The following WASHC2A variants were observed in gnomAD, a reference collection of about 807,000 sequenced individuals.
WASHC2A encodes WASH complex subunit 2A.
In WASHC2A, 82 loss-of-function variants were observed where a neutral mutation model predicts 140.3. The ratio of observed to expected loss-of-function variants is 0.58; its 90% CI spans 0.49 to 0.70. The LOEUF (loss-of-function observed/expected upper bound fraction) is 0.70. WASHC2A is among the 30% of genes least tolerant of loss of function. The pLI, the probability that WASHC2A is intolerant of heterozygous loss-of-function variation, is 0.00. For missense variants in WASHC2A, 985 were observed against 1,521.8 expected, an observed-to-expected ratio of 0.65 and a Z score of 5.87; for synonymous variants, 340 against 560.8, an observed-to-expected ratio of 0.61 and a Z score of 5.56.
intron 16 of WASHC2A, among the ~76,000 whole-genome samples, chr10:50,099,536 C>A (rs1162317148): frequency 6.6e-6 from 1 of 151,022 alleles, no homozygotes; most frequent in Non-Finnish European, 1.5e-5. Context: ...CCCCAGCAGT[C>A]TTTAAGCCCT....
intron 30 of WASHC2A, among the ~76,000 whole-genome samples, chr10:50,131,682 C>G (rs1384547699): frequency 6.6e-6 from 1 of 152,178 alleles, no homozygotes; most frequent in Non-Finnish European, 1.5e-5. Context: ...TGGGCTGAGG[C>G]CACATACACA....
chr10:50,132,815 TCTC>T lies in WASHC2A; in HGVS notation c.3900_3902del (p.Ser1301del), dbSNP rs1412901862. The T allele has an allele frequency of 2.2e-5, 35 of 1,611,958 alleles. No individual in the cohort carries two copies. The East Asian group carries it at 2.5e-4, about 11-fold the overall frequency. On this transcript the variant is annotated inframe_deletion, in exon 31 of 31. Transcript: ENST00000282633. ...TTTTTTCTTTCTAAAGATGACATCT[TCTC>T]CTCTGGTATCCAGGCTAAGACAACC...
intron 11 of WASHC2A, among the ~76,000 whole-genome samples, chr10:50,092,739 T>A (rs1554883316): frequency 6.6e-6 from 1 of 151,596 alleles, no homozygotes. Flanking sequence ...CTGTAGAGAT[T>A]TGATTTATTA....
At chr10:50,069,801 T>G (rs540575872) in intron 3 of WASHC2A, 90 bp downstream of exon 3, 2 of 1,362,994 alleles carry the variant, frequency 1.5e-6, no homozygotes, top group South Asian at 3.4e-5. Flanking sequence ...CCTCCTAAAT[T>G]TTGGTGGAAG....
intron 17 of WASHC2A, among the ~76,000 whole-genome samples, chr10:50,103,790 A>G (rs1282871821): frequency 6.6e-6 from 1 of 152,136 alleles, no homozygotes; most frequent in Non-Finnish European, 1.5e-5. Context: ...TCAGGTGGGA[A>G]TACAGAAGCC....
At chr10:50,076,882 C>CCAAGGCCGATGGATCACT (rs1554878157) in intron 3 of WASHC2A, among the ~76,000 whole-genome samples, 2 of 151,016 alleles carry the variant, frequency 1.3e-5, no homozygotes, top group African/African-American at 2.4e-5. Flanking sequence ...CTTTGGGAGG[C>CCAAGGCCGATGGATCACT]TGAGGTGGGC....
In WASHC2A at chr10:50,117,910, A is replaced by T; in HGVS notation, c.2147A>T (p.Lys716Ile). Reference protein sequence around the residue: ...PTSVPPATKKKETVSEAPPLL... With the variant: ...PTSVPPATKKIETVSEAPPLL... ...CATGTACTCTTCTTTTGGTAGAAAA[A>T]AGAGACTGTCTCTGAGGCACCACCT... Residue 716 changes from lysine (K) to isoleucine (I), a missense_variant, in exon 22 of 31, where the codon AAA (lysine) becomes ATA (isoleucine). Physicochemically the swap from Lys to Ile is moderately radical, Grantham distance 102 (BLOSUM62 -3). Coordinates refer to ENST00000282633, the MANE Select transcript of WASHC2A (RefSeq NM_001005751.3). 1 of 1,508,510 alleles carries T rather than the reference A, an allele frequency of 6.6e-7. No individual in the cohort carries two copies. The highest frequency in any genetic ancestry group is 9.1e-7 in the Non-Finnish European group (1 of 1,099,946). 93.4% of individuals were successfully genotyped at this position (1,508,510 alleles called of 1,614,324 possible). A position where few individuals can be genotyped will look rare whatever the true frequency, so the allele number is the denominator to read the frequency against.
At chr10:50,120,656 T>G (rs1345361965) in intron 23 of WASHC2A, among the ~76,000 whole-genome samples, 1 of 145,184 alleles carries the variant, frequency 6.9e-6, no homozygotes, top group Non-Finnish European at 1.5e-5. Context: ...ATGGTCATTC[T>G]GTGAGGTTAG....
intron 3 of WASHC2A, among the ~76,000 whole-genome samples, chr10:50,072,688 C>A (rs1166131645): frequency 6.6e-6 from 1 of 151,900 alleles, no homozygotes; most frequent in Admixed American, 6.6e-5. Flanking sequence ...TGGGGTTTCA[C>A]CGTGTTAGCC....
chr10:50,095,676 A>T lies in WASHC2A; in HGVS notation c.1318A>T (p.Lys440Ter). Residue 440 changes from lysine (K) to a stop codon, truncating the protein, a stop_gained, in exon 15 of 31, where the codon AAA becomes TAA. Transcript: ENST00000282633. LOFTEE classifies it high-confidence loss of function. ...PQKPEQPTPR[K>*]SPYGPPPTGL... ...GAAGCCTGAGCAGCCCACTCCAAGG[A>T]AAAGCCCCTATGGTCCCCCTCCCAC... 2 of 1,611,664 alleles carry T rather than the reference A, an allele frequency of 1.2e-6. No homozygotes were observed.
At chr10:50,091,295 A>C (rs200210198) in intron 9 of WASHC2A, 136 bp from the exon 10 acceptor site, 263,852 of 1,134,152 alleles carry the variant, frequency 0.23, 34,962 homozygotes, top group East Asian at 0.66. Flanking sequence ...ACATATGTTT[A>C]AATTCATTTA....
rs1216995576 is a variant in WASHC2A, at chr10:50,129,925, C to T, written c.3594C>T (p.Pro1198=). 1 of 1,611,874 alleles carries T rather than the reference C, an allele frequency of 6.2e-7. No individual in the cohort carries two copies. Among genetic ancestry groups the T allele is most frequent in the Non-Finnish European group, 8.5e-7 (1 of 1,179,852 alleles). The change falls in exon 29 of 31, where the codon CCC becomes CCT. Residue 1198 remains proline, a synonymous_variant. Coordinates refer to ENST00000282633, the MANE Select transcript of WASHC2A (RefSeq NM_001005751.3). Reference sequence around the variant, plus strand: ...CAAAACCAGCAAAGAAAACAAATCCCTTTCCTCTCCTGGAAGATGAGGATG... The same window carrying T: ...CAAAACCAGCAAAGAAAACAAATCCTTTTCCTCTCCTGGAAGATGAGGATG... ...AKPKPAKKTN[P]FPLLEDEDDL...
chr10:50,077,259 A>G (rs1838445972), intron 3 of WASHC2A, among the ~76,000 whole-genome samples: 1 of 152,058 alleles, frequency 6.6e-6, no homozygotes, highest in East Asian at 1.9e-4. Context: ...CTGCCACTGC[A>G]CTCCAGCCTG....
intron 4 of WASHC2A, among the ~76,000 whole-genome samples, chr10:50,079,613 C>T (rs2490890): frequency 0.038 from 5,828 of 152,196 alleles, 372 homozygotes; most frequent in African/African-American, 0.13. Flanking sequence ...TGGCCAGGCT[C>T]GTCTCAAACT....
At chr10:50,116,593 G>A (rs1842702596) in intron 21 of WASHC2A, among the ~76,000 whole-genome samples, 1 of 150,262 alleles carries the variant, frequency 6.7e-6, no homozygotes, top group African/African-American at 2.5e-5. Flanking sequence ...GATTACAGGT[G>A]TGAGCCACCG....
At chr10:50,131,278 C>A in intron 30 of WASHC2A, 200 bp downstream of exon 30, 1 of 738,276 alleles carries the variant, frequency 1.4e-6, no homozygotes, top group Non-Finnish European at 2.4e-6. Flanking sequence ...TGATAGTCAT[C>A]AAAGAATTTG....
chr10:50,070,272 A>T (rs1283814099), intron 3 of WASHC2A, among the ~76,000 whole-genome samples: 1 of 152,162 alleles, frequency 6.6e-6, no homozygotes, highest in Admixed American at 6.5e-5. Flanking sequence ...TACATAGGTA[A>T]ATTAGATAGA....
At chr10:50,097,143 T>G (rs1344893031) in intron 15 of WASHC2A, among the ~76,000 whole-genome samples, 1 of 135,044 alleles carries the variant, frequency 7.4e-6, no homozygotes, top group East Asian at 2.0e-4. Flanking sequence ...TATAAATAAC[T>G]AGTGTTAATT....
At chr10:50,071,865 A>T (rs1445376934) in intron 3 of WASHC2A, among the ~76,000 whole-genome samples, 3 of 140,938 alleles carry the variant, frequency 2.1e-5, no homozygotes, top group South Asian at 2.2e-4. Context: ...AATACTGGGG[A>T]TTTCCTGTTT....
Sources: allele counts gnomAD v4.1 joint callset (sites outside exome capture counted in the v4.1 genomes callset), GRCh38; gene constraint gnomAD v4.1.1; transcripts MANE v1.5; gene names NCBI Gene and HGNC (gene_info 2026-07-23, HGNC 2026-07-21).